FER: variants seen among roughly 807,000 people sequenced by gnomAD.
The protein encoded by FER is tyrosine-protein kinase Fer.
In FER, 63 loss-of-function variants were observed where a neutral mutation model predicts 111.0. The observed-to-expected ratio is 0.57, with a 90% CI of 0.46 to 0.70. The LOEUF (loss-of-function observed/expected upper bound fraction) is 0.70. Ranked by LOEUF, FER falls within the 30% of genes least tolerant of loss-of-function variation. The pLI, the probability that FER is intolerant of heterozygous loss-of-function variation, is 0.00. For missense variants in FER, 914 were observed against 954.0 expected (o/e 0.96, Z 0.55); for synonymous variants, 327 against 313.9 (o/e 1.04, Z -0.44).
chr5:109,050,269 C>T (rs1772596432), intron 16 of FER, among the ~76,000 whole-genome samples: 1 of 151,692 alleles, frequency 6.6e-6, no homozygotes, highest in African/African-American at 2.4e-5. Context: ...CGGGGAAAAA[C>T]ATTTTAGGAG....
intron 1 of FER, among the ~76,000 whole-genome samples, chr5:108,756,742 T>G (rs1751155638): frequency 1.3e-5 from 2 of 152,176 alleles, no homozygotes; most frequent in African/African-American, 4.8e-5. Flanking sequence ...ATAGAAAATT[T>G]TACAAAGGAA....
chr5:109,041,107 A>G (rs995079312), intron 14 of FER, among the ~76,000 whole-genome samples: 14 of 152,154 alleles, frequency 9.2e-5, no homozygotes, highest in African/African-American at 3.1e-4. Flanking sequence ...ATATAATATG[A>G]TTATTGAGTA....
At chr5:108,944,953 G>C (rs1443428945) in intron 10 of FER, among the ~76,000 whole-genome samples, 9 of 151,116 alleles carry the variant, frequency 6.0e-5, no homozygotes, top group African/African-American at 2.2e-4. Context: ...TCCCCTAACT[G>C]GACCTCTCCA....
intron 16 of FER, among the ~76,000 whole-genome samples, chr5:109,090,281 A>G (rs1051412691): frequency 9.2e-5 from 14 of 152,308 alleles, no homozygotes; most frequent in African/African-American, 3.4e-4. Context: ...TTACATGCAC[A>G]ATCTCAAGTC....
intron 17 of FER, among the ~76,000 whole-genome samples, chr5:109,109,911 T>G (rs780832997): frequency 5.8e-4 from 89 of 152,144 alleles, no homozygotes; most frequent in Non-Finnish European, 1.0e-3. Flanking sequence ...TACTTATACA[T>G]CTATGTAGGT....
intron 9 of FER, chr5:108,894,411 G>A: frequency 1.4e-6 from 1 of 699,536 alleles, no homozygotes; most frequent in Middle Eastern, 3.6e-4. Flanking sequence ...GACCTCGTCT[G>A]CTGGCAACTG....
chr5:109,106,972 C>T (rs1007500434), intron 17 of FER, among the ~76,000 whole-genome samples: 3 of 152,092 alleles, frequency 2.0e-5, no homozygotes, highest in East Asian at 1.9e-4. Context: ...AGGAAAGATG[C>T]AGTATATGCA....
At chr5:109,034,457 G>C (rs570816026) in intron 13 of FER, among the ~76,000 whole-genome samples, 1 of 151,838 alleles carries the variant, frequency 6.6e-6, no homozygotes, top group Non-Finnish European at 1.5e-5. Flanking sequence ...TATTTTATCA[G>C]AGCCTCTTCT....
At chr5:109,045,767 C>A (rs954437235) in intron 15 of FER, among the ~76,000 whole-genome samples, 1 of 152,162 alleles carries the variant, frequency 6.6e-6, no homozygotes, top group Non-Finnish European at 1.5e-5. Context: ...CCTGGAAAGT[C>A]CTTGGCCACA....
intron 16 of FER, among the ~76,000 whole-genome samples, chr5:109,049,564 T>C (rs759307483): frequency 2.0e-5 from 3 of 152,166 alleles, no homozygotes; most frequent in Non-Finnish European, 2.9e-5. Flanking sequence ...AAGAATACTC[T>C]CTACTTTTTT....
At chr5:109,109,352 T>C (rs1582068263) in intron 17 of FER, among the ~76,000 whole-genome samples, 1 of 152,172 alleles carries the variant, frequency 6.6e-6, no homozygotes, top group East Asian at 1.9e-4. Flanking sequence ...TATAGACACA[T>C]ATGTAAAATA....
chr5:108,982,078 A>G (rs1028354694), intron 13 of FER, among the ~76,000 whole-genome samples: 1 of 152,076 alleles, frequency 6.6e-6, no homozygotes. Flanking sequence ...CAGTAAAGTC[A>G]ACATCACCTG....
chr5:108,883,412 G>A lies in FER; in HGVS notation c.940G>A (p.Glu314Lys), dbSNP rs372482792. The A allele has an allele frequency of 2.5e-6, 4 of 1,606,610 alleles. No individual in the cohort carries two copies. Among genetic ancestry groups the A allele is most frequent in the Admixed American group, 3.4e-5 (2 of 59,312 alleles). The change falls in exon 9 of 20, where the codon GAA becomes AAA. Residue 314 changes from glutamate to lysine, a missense_variant. Transcript: ENST00000281092. ...SLQVMLKTLA[E>K]ELMQTQQMLL... ...TTATTCTAGGTTGAAAACGTTAGCGGAAGAACTTATGCAAACACAGCAGAT... is the reference window on the plus strand; with the variant it reads ...TTATTCTAGGTTGAAAACGTTAGCGAAAGAACTTATGCAAACACAGCAGAT...
At chr5:109,064,043 AAGAT>A (rs1280932552) in intron 16 of FER, among the ~76,000 whole-genome samples, 1 of 152,188 alleles carries the variant, frequency 6.6e-6, no homozygotes, top group African/African-American at 2.4e-5. Context: ...AACATTTAGA[AAGAT>A]AGCAATTTTA....
At chr5:108,924,158 A>T (rs892764555) in intron 10 of FER, among the ~76,000 whole-genome samples, 79 of 151,994 alleles carry the variant, frequency 5.2e-4, no homozygotes, top group African/African-American at 1.7e-3. Context: ...GGAGTTCGAG[A>T]CTAGCCTGGC....
At chr5:108,819,773 C>T in intron 3 of FER, 1 of 983,718 alleles carries the variant, frequency 1.0e-6, no homozygotes, top group Non-Finnish European at 1.2e-6. Context: ...AATAGAGATT[C>T]AGAAGAAGGA....
At chr5:109,185,633 G>T (rs568092908) in intron 18 of FER, among the ~76,000 whole-genome samples, 1 of 151,878 alleles carries the variant, frequency 6.6e-6, no homozygotes, top group Non-Finnish European at 1.5e-5. Flanking sequence ...ATTTATTCTT[G>T]GGGGGAGGGA....
At chr5:108,915,343 T>A (rs1752128102) in intron 10 of FER, among the ~76,000 whole-genome samples, 1 of 151,894 alleles carries the variant, frequency 6.6e-6, no homozygotes, top group Non-Finnish European at 1.5e-5. Flanking sequence ...CGTGGTGGTG[T>A]CACCTGTAAT....
intron 2 of FER, among the ~76,000 whole-genome samples, chr5:108,797,279 T>C (rs1756135017): frequency 6.6e-6 from 1 of 152,014 alleles, no homozygotes; most frequent in South Asian, 2.1e-4. Context: ...TTGTCTCCTC[T>C]CCTCAAGCAG....
Sources: allele counts gnomAD v4.1 joint callset (sites outside exome capture counted in the v4.1 genomes callset), GRCh38; gene constraint gnomAD v4.1.1; transcripts MANE v1.5; gene names NCBI Gene and HGNC (gene_info 2026-07-23, HGNC 2026-07-21).